PSD2: variants seen among roughly 807,000 people sequenced by gnomAD.
PSD2 encodes pleckstrin and Sec7 domain containing 2.
Under a neutral mutation model 69.8 loss-of-function variants are expected in PSD2, and 38 were observed. The ratio of observed to expected loss-of-function variants is 0.54; its 90% CI spans 0.42 to 0.71. The LOEUF is 0.71. Among genes scored for constraint, PSD2 ranks in the 30% least tolerant of loss-of-function variants. The pLI, the probability that PSD2 is intolerant of heterozygous loss-of-function variation, is 0.00. For missense variants in PSD2, 943 were observed against 1,014.5 expected, an observed-to-expected ratio of 0.93 and a Z score of 0.96; for synonymous variants, 412 against 423.0, an observed-to-expected ratio of 0.97 and a Z score of 0.32.
chr5:139,779,360 C>A, the PSD2 span, among the ~76,000 whole-genome samples: 371 of 152,270 alleles, frequency 2.4e-3, 2 homozygotes, highest in African/African-American at 8.7e-3. Context: ...AGCCACCCCC[C>A]GGGTTTTCTA....
At chr5:139,750,006 C>T in the PSD2 span, among the ~76,000 whole-genome samples, 1 of 148,598 alleles carries the variant, frequency 6.7e-6, no homozygotes, top group African/African-American at 2.5e-5. Flanking sequence ...CAAGCCTGGG[C>T]AACAGATCGA....
At chr5:139,755,020 T>C in the PSD2 span, among the ~76,000 whole-genome samples, 12 of 152,150 alleles carry the variant, frequency 7.9e-5, no homozygotes, top group Non-Finnish European at 1.2e-4. Flanking sequence ...GCAGCCAACA[T>C]TTAGTGCTTG....
At chr5:139,798,823 TA>T (rs1207642834) in intron 1 of PSD2, among the ~76,000 whole-genome samples, 1 of 152,250 alleles carries the variant, frequency 6.6e-6, no homozygotes, top group Non-Finnish European at 1.5e-5. Flanking sequence ...CAGTTTAACC[TA>T]ACATGTAGTC....
At chr5:139,824,189 G>A (rs1382922562) in intron 7 of PSD2, among the ~76,000 whole-genome samples, 1 of 152,158 alleles carries the variant, frequency 6.6e-6, no homozygotes, top group African/African-American at 2.4e-5. Flanking sequence ...CCTCCCTATG[G>A]CTAAGAACTG....
In PSD2 at chr5:139,842,617, G is replaced by C; in HGVS notation, c.*143G>C. 1.4e-6 allele frequency: 1 copy of C among 704,750 alleles called. No individual in the cohort carries two copies. Among genetic ancestry groups the C allele is most frequent in the South Asian group, 1.8e-5 (1 of 55,004 alleles). 43.7% of individuals were successfully genotyped at this position (704,750 alleles called of 1,614,324 possible). On this transcript the variant is annotated 3_prime_UTR_variant, in exon 15 of 15. Coordinates refer to ENST00000274710, the MANE Select transcript of PSD2 (RefSeq NM_032289.4). Reference sequence around the variant, plus strand: ...GTGCAGAAAGCCTGTGGGCCCAGGAGATGGAGATGCCGTTTGTGGCGTTGA... The same window carrying C: ...GTGCAGAAAGCCTGTGGGCCCAGGACATGGAGATGCCGTTTGTGGCGTTGA...
At chr5:139,809,841 C>T in intron 2 of PSD2, 30 bp downstream of exon 2, 2 of 1,609,302 alleles carry the variant, frequency 1.2e-6, no homozygotes, top group Middle Eastern at 1.7e-4. Flanking sequence ...TGGGAGCTCA[C>T]CACATTTGGC....
intron 7 of PSD2, among the ~76,000 whole-genome samples, chr5:139,823,241 A>G (rs1170187326): frequency 6.6e-6 from 1 of 152,066 alleles, no homozygotes; most frequent in Non-Finnish European, 1.5e-5. Context: ...AGCACTTCTC[A>G]TGGCTCAATA....
At chr5:139,820,945 T>TC (rs1051316120) in intron 5 of PSD2, among the ~76,000 whole-genome samples, 47 of 151,744 alleles carry the variant, frequency 3.1e-4, no homozygotes, top group African/African-American at 1.1e-3. Flanking sequence ...GTTTTTTTTT[T>TC]TTCTTGAGAT....
At position 139,817,688 on chromosome 5, in the gene PSD2, G is replaced by C. The variant is rs144267818; in HGVS notation, c.1097+127G>C. On this transcript the variant is annotated intron_variant, in intron 5 of 14. Transcript: ENST00000274710. ...GTCTTTTGACCCCTGGTGAGGCTGT[G>C]GGGAAGGGGCCACAGGAGCAGCAGC... 3,331 of 778,798 alleles carry C rather than the reference G, an allele frequency of 4.3e-3. 18 individuals are homozygous for C. The highest frequency in any genetic ancestry group is 7.0e-3 in the Admixed American group (291 of 41,480). The allele number at this position is 778,798 out of a possible 1,614,324, so 48.2% of individuals were successfully genotyped here. A position where few individuals can be genotyped will look rare whatever the true frequency, so the allele number is the denominator to read the frequency against.
At chr5:139,769,747 C>T in the PSD2 span, among the ~76,000 whole-genome samples, 1 of 152,194 alleles carries the variant, frequency 6.6e-6, no homozygotes, top group Admixed American at 6.5e-5. Flanking sequence ...CATTGCACTT[C>T]GGACTCAAGA....
chr5:139,756,093 G>C, the PSD2 span, among the ~76,000 whole-genome samples: 1 of 152,194 alleles, frequency 6.6e-6, no homozygotes, highest in African/African-American at 2.4e-5. Context: ...TCTGGGCTGA[G>C]CCTCGGTAAT....
the PSD2 span, among the ~76,000 whole-genome samples, chr5:139,751,253 G>A: frequency 5.9e-5 from 9 of 152,116 alleles, no homozygotes; most frequent in Non-Finnish European, 1.2e-4. Flanking sequence ...TGCCTGAGAG[G>A]GGGGCGGAGG....
At chr5:139,744,485 T>TC in the PSD2 span, among the ~76,000 whole-genome samples, 1 of 151,964 alleles carries the variant, frequency 6.6e-6, no homozygotes, top group Non-Finnish European at 1.5e-5. Context: ...TGCCCCTCAT[T>TC]CCCCCGCCTG....
the PSD2 span, among the ~76,000 whole-genome samples, chr5:139,763,688 C>T: frequency 1.3e-5 from 2 of 152,228 alleles, no homozygotes; most frequent in Non-Finnish European, 2.9e-5. Context: ...CCTGGCACAG[C>T]GAGCCTCCAG....
the PSD2 span, among the ~76,000 whole-genome samples, chr5:139,783,979 C>T: frequency 5.7e-4 from 47 of 82,460 alleles, no homozygotes; most frequent in Middle Eastern, 0.012. Context: ...GGGTCTTGTT[C>T]TGTCGCCCAT....
In PSD2 at chr5:139,839,518, G is replaced by A. The variant is rs537833639; in HGVS notation, c.1969-509G>A. ...GGCCTGTAGTGGGTGGGATGTGTGC[G>A]TTTGCCCATCAGCGACAGTGTCTCC... On this transcript the variant is annotated intron_variant, in intron 13 of 14. Coordinates refer to ENST00000274710, the MANE Select transcript of PSD2 (RefSeq NM_032289.4). This position sits in a 1 kb window ranked among gnomAD's most constrained non-coding sequence, Gnocchi z 5.1. Among the ~76,000 whole-genome samples the A allele has an allele frequency of 3.3e-4, 51 of 152,316 alleles. No individual in the cohort carries two copies. Among genetic ancestry groups the A allele is most frequent in the African/African-American group, 1.1e-3 (47 of 41,580 alleles).
At chr5:139,807,064 C>T (rs1759827040) in intron 1 of PSD2, among the ~76,000 whole-genome samples, 1 of 152,244 alleles carries the variant, frequency 6.6e-6, no homozygotes, top group Non-Finnish European at 1.5e-5. Context: ...GGTCCTCAAT[C>T]TGTCCACAAT....
At chr5:139,795,230 C>T (rs1412888457), upstream of PSD2, among the ~76,000 whole-genome samples, 1 of 152,170 alleles carries the variant, frequency 6.6e-6, no homozygotes, top group African/African-American at 2.4e-5. This position sits in a 1 kb window ranked among gnomAD's most constrained non-coding sequence, Gnocchi z 4.5. Flanking sequence ...GGTCTCCGTC[C>T]CGTCCCGTGT....
At chr5:139,766,863 C>CTTTCTTTCT in the PSD2 span, among the ~76,000 whole-genome samples, 1 of 150,090 alleles carries the variant, frequency 6.7e-6, no homozygotes, top group African/African-American at 2.4e-5. Context: ...TTCTTTCTTT[C>CTTTCTTTCT]TTTCTTTCTT....
Sources: allele counts gnomAD v4.1 joint callset (sites outside exome capture counted in the v4.1 genomes callset), GRCh38; gene constraint gnomAD v4.1.1; non-coding constraint Gnocchi (gnomAD v3.1); transcripts MANE v1.5; gene names NCBI Gene and HGNC (gene_info 2026-07-23, HGNC 2026-07-21).